The following LIPI variants were observed in gnomAD, a reference collection of about 807,000 sequenced individuals.
LIPI encodes the protein lipase member I.
LIPI carries 59 observed loss-of-function variants against 50.6 expected under a neutral mutation model. The observed-to-expected ratio is 1.16, with a 90% CI of 0.94 to 1.45. The LOEUF (loss-of-function observed/expected upper bound fraction) is 1.45. Ranked by LOEUF, LIPI falls within the 40% of genes most tolerant of loss-of-function variation. LIPI has a pLI of 0.00. For synonymous variants in LIPI, 203 were observed against 178.2 expected (o/e 1.14, Z -1.11); for missense variants, 586 against 536.3 (o/e 1.09, Z -0.92).
intron 7 of LIPI, among the ~76,000 whole-genome samples, chr21:14,160,577 T>C (rs1600876663): frequency 6.6e-6 from 1 of 151,420 alleles, no homozygotes; most frequent in Non-Finnish European, 1.5e-5. Context: ...CCTCAGGACC[T>C]AGGGCTCAAC....
intron 2 of LIPI, among the ~76,000 whole-genome samples, chr21:14,187,436 AAGGGAGT>A (rs1219582666): frequency 6.6e-6 from 1 of 152,208 alleles, no homozygotes; most frequent in Admixed American, 6.5e-5. Context: ...CCCAAAACAT[AAGGGAGT>A]ATCTCTCGAG....
chr21:14,184,120 T>A (rs1012220047), intron 3 of LIPI, among the ~76,000 whole-genome samples: 34 of 152,256 alleles, frequency 2.2e-4, no homozygotes, highest in Middle Eastern at 3.4e-3. Context: ...ATGTGGCACA[T>A]ACACAGCATG....
intron 8 of LIPI, among the ~76,000 whole-genome samples, chr21:14,147,381 A>G (rs2017944817): frequency 6.6e-6 from 1 of 152,172 alleles, no homozygotes; most frequent in Non-Finnish European, 1.5e-5. Context: ...ATGTCTCATT[A>G]TGCTACAAGC....
intron 9 of LIPI, among the ~76,000 whole-genome samples, chr21:14,119,527 C>T (rs1440480360): frequency 2.0e-5 from 3 of 152,162 alleles, no homozygotes; most frequent in East Asian, 3.9e-4. Context: ...TGGTTTCTCC[C>T]GTATATGGAT....
chr21:14,204,512 C>T lies in LIPI; in HGVS notation c.46+6288G>A, dbSNP rs866932721. Reference sequence around the variant, plus strand: ...TTCTAAAATAATCTCAATACAATAACTAAGGAGAGGCAGAAACTGTATAAG... The same window carrying T: ...TTCTAAAATAATCTCAATACAATAATTAAGGAGAGGCAGAAACTGTATAAG... On this transcript the variant is annotated intron_variant, in intron 1 of 9. Coordinates refer to ENST00000681601, the MANE Select transcript of LIPI (RefSeq NM_001302998.2). Among the ~76,000 whole-genome samples the T allele has an allele frequency of 3.3e-5, 5 of 151,854 alleles. 1 individual carries two copies. In the Middle Eastern group the frequency reaches 0.017, roughly 527 times the overall value.
intron 4 of LIPI, among the ~76,000 whole-genome samples, chr21:14,175,645 G>C (rs369449811): frequency 1.6e-4 from 25 of 152,200 alleles, no homozygotes; most frequent in African/African-American, 5.5e-4. Flanking sequence ...AAAAATAATA[G>C]CTCATAAACC....
At chr21:14,118,361 T>C (rs2016734729) in intron 9 of LIPI, among the ~76,000 whole-genome samples, 1 of 152,190 alleles carries the variant, frequency 6.6e-6, no homozygotes, top group Admixed American at 6.5e-5. Context: ...CAAAAGACTA[T>C]GCTAATATTA....
At chr21:14,172,516 C>G (rs1340279253) in intron 4 of LIPI, among the ~76,000 whole-genome samples, 1 of 150,986 alleles carries the variant, frequency 6.6e-6, no homozygotes, top group South Asian at 2.1e-4. Flanking sequence ...CACATATACA[C>G]CATGGAATAC....
intron 9 of LIPI, chr21:14,143,605 C>T (rs566148477): frequency 6.6e-6 from 1 of 152,206 alleles, no homozygotes; most frequent in Admixed American, 6.5e-5. Context: ...GGAAGCACCA[C>T]AGTCAACTAA....
intron 9 of LIPI, among the ~76,000 whole-genome samples, chr21:14,132,040 C>CA (rs1285539945): frequency 6.6e-6 from 1 of 151,888 alleles, no homozygotes; most frequent in African/African-American, 2.4e-5. Context: ...AATAAACAAA[C>CA]AAAAAAACAA....
rs1011956995 is a variant in LIPI, at chr21:14,158,592, TATATATATATTAAA to T, written c.1006+4813_1006+4826del. ...GATGTGTGTGTAGAAATATATATTT[TATATATATATTAAA>T]ATATATATATGTGTGTGTAGAAATA... is the stretch of plus-strand genomic sequence containing the variant. On this transcript the variant is annotated intron_variant, in intron 7 of 9. Transcript: ENST00000681601. Among the ~76,000 whole-genome samples, 1,430 of 148,260 alleles carry T rather than the reference TATATATATATTAAA, an allele frequency of 9.6e-3. 13 individuals are homozygous for T. Among genetic ancestry groups the T allele is most frequent in the African/African-American group, 0.033 (1,356 of 40,866 alleles).
chr21:14,115,379 T>C (rs1440177692), intron 9 of LIPI, among the ~76,000 whole-genome samples: 2 of 152,134 alleles, frequency 1.3e-5, no homozygotes, highest in Non-Finnish European at 2.9e-5. Flanking sequence ...ATCACATAGC[T>C]CCCGGCCACT....
intron 4 of LIPI, among the ~76,000 whole-genome samples, chr21:14,170,812 G>T (rs1272269580): frequency 6.6e-6 from 1 of 151,446 alleles, no homozygotes; most frequent in Non-Finnish European, 1.5e-5. Context: ...CACAAGACAG[G>T]GGTGCCCTCT....
intron 1 of LIPI, among the ~76,000 whole-genome samples, chr21:14,193,410 T>C (rs1022165864): frequency 6.6e-6 from 1 of 152,126 alleles, no homozygotes; most frequent in African/African-American, 2.4e-5. Flanking sequence ...ATGATAATTT[T>C]AAATGTAGGT....
chr21:14,142,025 A>C (rs2017728134), intron 9 of LIPI, among the ~76,000 whole-genome samples: 1 of 152,192 alleles, frequency 6.6e-6, no homozygotes, highest in Non-Finnish European at 1.5e-5. Context: ...AGGTATTAAT[A>C]AGGCAACAAG....
At chr21:14,161,420 CAT>C (rs1318001109) in intron 7 of LIPI, among the ~76,000 whole-genome samples, 1 of 138,126 alleles carries the variant, frequency 7.2e-6, no homozygotes, top group South Asian at 2.2e-4. Context: ...ATTATATATA[CAT>C]GAGTATAATA....
chr21:14,183,779 C>T lies in LIPI; in HGVS notation c.542-1920G>A, dbSNP rs1335795568. ...TGCAAATCAAAACCACAATGAGATA[C>T]CATCTCACACCAGTTAGAATGGCGA... On this transcript the variant is annotated intron_variant, in intron 3 of 9. Coordinates refer to ENST00000681601, the MANE Select transcript of LIPI (RefSeq NM_001302998.2). Among the ~76,000 whole-genome samples the T allele has an allele frequency of 2.0e-5, 3 of 152,250 alleles. No homozygotes were observed. The East Asian group carries it at 5.8e-4, about 29-fold the overall frequency.
At chr21:14,152,390 T>C (rs1346177707) in intron 8 of LIPI, among the ~76,000 whole-genome samples, 183 bp downstream of exon 8, 3 of 152,294 alleles carry the variant, frequency 2.0e-5, no homozygotes, top group South Asian at 2.1e-4. Flanking sequence ...CTTTAACATA[T>C]GTTATCTTTC....
At chr21:14,161,628 T>TACATTATTATATATTAATGTA (rs1568858298) in intron 7 of LIPI, among the ~76,000 whole-genome samples, 8 of 112,972 alleles carry the variant, frequency 7.1e-5, no homozygotes, top group African/African-American at 2.9e-4. Context: ...ATATAATATA[T>TACATTATTATATATTAATGTA]TAATATATAA....
Sources: gnomAD v4.1 joint callset for allele counts (sites outside exome capture counted in the v4.1 genomes callset) on GRCh38, gnomAD v4.1.1 for gene constraint, MANE v1.5 for transcripts, NCBI Gene and HGNC (gene_info 2026-07-23, HGNC 2026-07-21) for gene names.